The following AKAP13 variants were observed in gnomAD, a reference collection of about 807,000 sequenced individuals.
AKAP13 encodes the protein A-kinase anchoring protein 13, also known as A-kinase anchor protein 13.
AKAP13 carries 80 observed loss-of-function variants against 264.5 expected under a neutral mutation model. The ratio of observed to expected loss-of-function variants is 0.30; its 90% confidence interval spans 0.25 to 0.36. AKAP13 has a LOEUF of 0.36. AKAP13 is among the 10% of genes least tolerant of loss of function. AKAP13 has a pLI of 1.00. For synonymous variants in AKAP13, 1,380 were observed against 1,250.2 expected (o/e 1.10, Z -2.19); for missense variants, 3,712 against 3,435.2 (o/e 1.08, Z -2.01).
intron 31 of AKAP13, 130 bp downstream of exon 31, chr15:85,735,280 C>G (rs977469060): frequency 7.9e-7 from 1 of 1,261,080 alleles, no homozygotes; most frequent in Non-Finnish European, 1.1e-6. Flanking sequence ...TTTCAAGACA[C>G]TCAAGAGCTT....
At chr15:85,600,923 G>A (rs906762493) in intron 8 of AKAP13, among the ~76,000 whole-genome samples, 1 of 152,202 alleles carries the variant, frequency 6.6e-6, no homozygotes, top group East Asian at 1.9e-4. Flanking sequence ...TGTAGAACCT[G>A]TGACAAGTTA....
intron 33 of AKAP13, among the ~76,000 whole-genome samples, chr15:85,739,199 G>T (rs2088778419): frequency 6.6e-6 from 1 of 152,186 alleles, no homozygotes; most frequent in Non-Finnish European, 1.5e-5. Context: ...TCCCGAGTAT[G>T]CCAAAATGCT....
chr15:85,622,023 A>T lies in AKAP13; in HGVS notation c.4162-17351A>T, dbSNP rs190499813. ...GTTTCCAGTTTGAAATAAGATGGGG[A>T]CGTTTGGTGTTAGTTTCTTTGCTTT... On this transcript the variant is annotated intron_variant, in intron 8 of 36. Coordinates refer to ENST00000394518, the MANE Select transcript of AKAP13 (RefSeq NM_007200.5). 1.3e-4 allele frequency among the ~76,000 whole-genome samples: 20 copies of T among 152,296 alleles called. No individual in the cohort carries two copies. The East Asian group carries it at 3.9e-3, about 29-fold the overall frequency.
At chr15:85,446,817 T>C (rs2073916991) in intron 1 of AKAP13, among the ~76,000 whole-genome samples, 1 of 151,792 alleles carries the variant, frequency 6.6e-6, no homozygotes, top group Admixed American at 6.6e-5. Context: ...AATTTAAAAT[T>C]CATCACACAT....
At position 85,643,010 on chromosome 15, in the gene AKAP13, T is replaced by C. The variant is rs570107195; in HGVS notation, c.4238-2808T>C. ...ACTCCTCCTAGGTTACTACATACTC[T>C]AGGAAACGTGAAAAAAAAAAAACCT... On this transcript the variant is annotated intron_variant, in intron 9 of 36. Coordinates refer to ENST00000394518, the MANE Select transcript of AKAP13 (RefSeq NM_007200.5). Among the ~76,000 whole-genome samples the C allele has an allele frequency of 1.3e-4, 18 of 136,302 alleles. No homozygotes were observed. The South Asian group carries it at 4.2e-3, about 32-fold the overall frequency. The allele number at this position is 136,302 out of a possible 152,430, so 89.4% of individuals were successfully genotyped here. A position where few individuals can be genotyped will look rare whatever the true frequency, so the allele number is the denominator to read the frequency against.
At chr15:85,675,618 C>T (rs1305306781) in intron 14 of AKAP13, among the ~76,000 whole-genome samples, 1 of 152,122 alleles carries the variant, frequency 6.6e-6, no homozygotes, top group African/African-American at 2.4e-5. Context: ...CAGATGAGAG[C>T]AAGTGAATCT....
At chr15:85,641,385 GC>G (rs1210299212) in intron 9 of AKAP13, among the ~76,000 whole-genome samples, 1 of 150,668 alleles carries the variant, frequency 6.6e-6, no homozygotes, top group Non-Finnish European at 1.5e-5. Context: ...GGCGGAGGTT[GC>G]AGTGAGCCAA....
chr15:85,388,178 G>C lies in AKAP13; in HGVS notation c.-12+7380G>C, dbSNP rs567697998. On this transcript the variant is annotated intron_variant, in intron 1 of 36. Coordinates refer to ENST00000394518, the MANE Select transcript of AKAP13 (RefSeq NM_007200.5). Reference sequence around the variant, plus strand: ...AGCCTCCTAAGTAGCTGGGATTACAGGTGCATGTTGTCATGCCCGGCTAAT... The same window carrying C: ...AGCCTCCTAAGTAGCTGGGATTACACGTGCATGTTGTCATGCCCGGCTAAT... Among the ~76,000 whole-genome samples, 3 of 151,880 alleles carry C rather than the reference G, an allele frequency of 2.0e-5. 1 individual carries two copies. In the South Asian group the frequency reaches 6.2e-4, roughly 32 times the overall value.
rs917965815 is a variant in AKAP13 at position 85,740,310 on chromosome 15, C to T, written c.7608+38C>T. The T allele has an allele frequency of 1.9e-6, 3 of 1,611,224 alleles. No homozygotes were observed. In the South Asian group the frequency reaches 3.3e-5, roughly 18 times the overall value. On this transcript the variant is annotated intron_variant, in intron 34 of 36. Transcript: ENST00000394518. ...ATCTTCCATCCCTGCGTTTATTTGT[C>T]TAGAGAACAGCAGCTTGGGGCTGTT...
In AKAP13 at chr15:85,583,212, T is replaced by G. The variant is rs918289864; in HGVS notation, c.4039+1105T>G. The G allele has an allele frequency of 3.5e-5, 34 of 979,890 alleles. No individual in the cohort carries two copies. The African/African-American group carries it at 6.0e-4, about 17-fold the overall frequency. 60.7% of individuals were successfully genotyped at this position (979,890 alleles called of 1,614,324 possible). A position where few individuals can be genotyped will look rare whatever the true frequency, so the allele number is the denominator to read the frequency against. ...TTTATTGTTTATTTTTGCTGTTCTT[T>G]TCAATTTTTGAAAATCCCTTTACAC... On this transcript the variant is annotated intron_variant, in intron 7 of 36. Transcript: ENST00000394518.
intron 9 of AKAP13, among the ~76,000 whole-genome samples, chr15:85,643,146 T>A (rs1347443017): frequency 2.0e-5 from 3 of 151,954 alleles, no homozygotes; most frequent in Non-Finnish European, 4.4e-5. Context: ...GATTTTTTTT[T>A]TAAATGAAAG....
intron 1 of AKAP13, among the ~76,000 whole-genome samples, chr15:85,408,521 TC>T (rs2071787394): frequency 1.3e-5 from 2 of 151,808 alleles, no homozygotes; most frequent in South Asian, 4.1e-4. Flanking sequence ...CTTTTCTACT[TC>T]CTGTTTCTAT....
chr15:85,649,159 C>A (rs1004694292), intron 10 of AKAP13, among the ~76,000 whole-genome samples: 1 of 152,178 alleles, frequency 6.6e-6, no homozygotes, highest in Non-Finnish European at 1.5e-5. Context: ...CTCAATTTGT[C>A]TGCCCAGCAA....
intron 13 of AKAP13, among the ~76,000 whole-genome samples, chr15:85,666,404 T>C (rs142749406): frequency 5.2e-4 from 79 of 151,300 alleles, no homozygotes; most frequent in Non-Finnish European, 1.0e-3. Context: ...TTAAGTTCTT[T>C]GTAGATTCTG....
At chr15:85,638,451 C>A (rs1057344670) in intron 8 of AKAP13, among the ~76,000 whole-genome samples, 1 of 152,028 alleles carries the variant, frequency 6.6e-6, no homozygotes, top group Non-Finnish European at 1.5e-5. Context: ...GTTTCTTATG[C>A]TATTATTGGG....
chr15:85,425,848 A>G (rs996630673), intron 1 of AKAP13, among the ~76,000 whole-genome samples: 2 of 152,012 alleles, frequency 1.3e-5, no homozygotes, highest in Non-Finnish European at 2.9e-5. Flanking sequence ...CCTTGAGCAG[A>G]TGAGGTTTTT....
intron 8 of AKAP13, among the ~76,000 whole-genome samples, chr15:85,632,693 A>G (rs1189659833): frequency 6.6e-6 from 1 of 152,182 alleles, no homozygotes; most frequent in Admixed American, 6.5e-5. Flanking sequence ...TGTTTATTGT[A>G]TATAATTTTG....
rs189301619 is a variant in AKAP13 at position 85,671,399 on chromosome 15, A to C, written c.5101+1569A>C. 2.5e-4 allele frequency among the ~76,000 whole-genome samples: 36 copies of C among 142,680 alleles called. No individual in the cohort carries two copies. In the East Asian group the frequency reaches 3.8e-3, roughly 15 times the overall value. The allele number at this position is 142,680 out of a possible 152,430, so 93.6% of individuals were successfully genotyped here. A position where few individuals can be genotyped will look rare whatever the true frequency, so the allele number is the denominator to read the frequency against. ...CAGTGAGCTGTGATGGCACCACTGC[A>C]TCCCAGCCTGGGTGATAGAGTGAGA... On this transcript the variant is annotated intron_variant, in intron 14 of 36. Transcript: ENST00000394518.
chr15:85,524,751 C>T (rs1487449404), intron 3 of AKAP13, among the ~76,000 whole-genome samples: 3 of 151,994 alleles, frequency 2.0e-5, no homozygotes, highest in Non-Finnish European at 2.9e-5. Context: ...AAATTGCAGG[C>T]CCATCTCCCC....
Sources: allele counts gnomAD v4.1 joint callset (sites outside exome capture counted in the v4.1 genomes callset), GRCh38; gene constraint gnomAD v4.1.1; transcripts MANE v1.5; gene names NCBI Gene and HGNC (gene_info 2026-07-23, HGNC 2026-07-21).